The following STAB2 variants were observed in gnomAD, a reference collection of about 807,000 sequenced individuals.
STAB2 encodes stabilin 2, also known as stabilin-2.
In STAB2, 288 loss-of-function variants were observed where a neutral mutation model predicts 338.1. The observed-to-expected ratio is 0.85, with a 90% CI of 0.77 to 0.94. The LOEUF (loss-of-function observed/expected upper bound fraction) is 0.94, where lower values mean the gene tolerates loss of function less well. Ranked by LOEUF, STAB2 falls within the 40% of genes least tolerant of loss-of-function variation. STAB2 has a pLI of 0.00. For missense variants in STAB2, 3,141 were observed against 3,210.1 expected (o/e 0.98, Z 0.52); for synonymous variants, 1,202 against 1,193.3 (o/e 1.01, Z -0.15).
rs975561572 is a variant in STAB2 at position 103,733,323 on chromosome 12, A to C, written c.5460+141A>C. On this transcript the variant is annotated intron_variant, in intron 51 of 68. Coordinates refer to ENST00000388887, the MANE Select transcript of STAB2 (RefSeq NM_017564.10). ...AGGAAGCCACAGCATCCCCTGCCCC[A>C]CTGTGTCCTCCTCTGACTGGCCGTG... The C allele has an allele frequency of 1.7e-5, 17 of 987,664 alleles. No individual in the cohort carries two copies. In the African/African-American group the frequency reaches 1.9e-4, roughly 11 times the overall value. 61.2% of individuals were successfully genotyped at this position (987,664 alleles called of 1,614,324 possible). A position where few individuals can be genotyped will look rare whatever the true frequency, so the allele number is the denominator to read the frequency against.
rs769504020 is a variant in STAB2, at chr12:103,750,538, G to C, written c.6439-41G>C. Reference sequence around the variant, plus strand: ...GGCACTTGGGCATCCTGGGGTCCTAGAGAAGGAACTTTTTCATCTCTTCCC... The same window carrying C: ...GGCACTTGGGCATCCTGGGGTCCTACAGAAGGAACTTTTTCATCTCTTCCC... On this transcript the variant is annotated intron_variant, in intron 59 of 68. Coordinates refer to ENST00000388887, the MANE Select transcript of STAB2 (RefSeq NM_017564.10). 9 of 1,608,588 alleles carry C rather than the reference G, an allele frequency of 5.6e-6. No individual in the cohort carries two copies. In the African/African-American group the frequency reaches 1.1e-4, roughly 19 times the overall value.
chr12:103,639,015 A>G (rs1957597566), intron 8 of STAB2, among the ~76,000 whole-genome samples: 1 of 152,230 alleles, frequency 6.6e-6, no homozygotes, highest in African/African-American at 2.4e-5. Flanking sequence ...TTGCCTCCAA[A>G]GAGAAAGGAT....
At chr12:103,669,697 G>A (rs1875552233) in intron 21 of STAB2, 70 bp downstream of exon 21, 10 of 1,365,956 alleles carry the variant, frequency 7.3e-6, no homozygotes, top group Non-Finnish European at 9.4e-6. Context: ...AAACCAAAAT[G>A]TGATATAATG....
intron 33 of STAB2, among the ~76,000 whole-genome samples, chr12:103,698,803 A>G (rs1050282865): frequency 6.6e-6 from 1 of 152,184 alleles, no homozygotes. Flanking sequence ...AGTTCTGCCC[A>G]AAGAATTATC....
intron 34 of STAB2, among the ~76,000 whole-genome samples, chr12:103,701,818 AG>A (rs34414513): frequency 0.19 from 28,795 of 152,056 alleles, 2,918 homozygotes; most frequent in East Asian, 0.33. Flanking sequence ...GTAAATCATA[AG>A]GGACTTTAAC....
rs370360081 is a variant in STAB2 at position 103,761,461 on chromosome 12, C to G, written c.7359+51C>G. 72 of 1,518,158 alleles carry G rather than the reference C, an allele frequency of 4.7e-5. No individual in the cohort carries two copies. In the African/African-American group the frequency reaches 9.5e-4, roughly 20 times the overall value. 94.0% of individuals were successfully genotyped at this position (1,518,158 alleles called of 1,614,324 possible). A position where few individuals can be genotyped will look rare whatever the true frequency, so the allele number is the denominator to read the frequency against. The stretch of plus-strand genomic sequence containing the variant: ...GGGCCAGGAGGAGCCCCGGTGCCCA[C>G]TCACCAACAGGCAAACCATTACCAG... On this transcript the variant is annotated intron_variant, in intron 66 of 68. Transcript: ENST00000388887.
At chr12:103,688,312 T>G (rs1593237324) in intron 28 of STAB2, 97 bp downstream of exon 28, 1 of 1,147,020 alleles carries the variant, frequency 8.7e-7, no homozygotes, top group Non-Finnish European at 1.3e-6. Flanking sequence ...TGGTAAGGAG[T>G]GTAGGCAATT....
At position 103,742,463 on chromosome 12, in the gene STAB2, C is replaced by T. The variant is rs374364800; in HGVS notation, c.5940C>T (p.Tyr1980=). 6 of 1,614,028 alleles carry T rather than the reference C, an allele frequency of 3.7e-6. No individual in the cohort carries two copies. In the African/African-American group the frequency reaches 4.0e-5, roughly 11 times the overall value. ...CNNRGVCLDQ[Y]SATGECKCNT... Reference sequence around the variant, plus strand: ...ACCGGGGTGTCTGCCTTGATCAGTACTCGGCCACCGGAGAGTGTAAATGCA... The same window carrying T: ...ACCGGGGTGTCTGCCTTGATCAGTATTCGGCCACCGGAGAGTGTAAATGCA... Residue 1980 remains tyrosine (Y), a synonymous_variant, in exon 56 of 69, where the codon TAC becomes TAT. Coordinates refer to ENST00000388887, the MANE Select transcript of STAB2 (RefSeq NM_017564.10).
At chr12:103,666,381 A>G in intron 19 of STAB2, 28 bp downstream of exon 19, 2 of 1,613,094 alleles carry the variant, frequency 1.2e-6, no homozygotes, top group Non-Finnish European at 1.7e-6. Context: ...ATGAAAGCAC[A>G]GATCACCCAA....
intron 56 of STAB2, among the ~76,000 whole-genome samples, chr12:103,742,833 C>T (rs1481031246): frequency 6.6e-6 from 1 of 152,198 alleles, no homozygotes; most frequent in East Asian, 1.9e-4. Flanking sequence ...TGTGGATTTA[C>T]TAAGTCCTTA....
At chr12:103,686,541 G>C (rs1207804302) in intron 27 of STAB2, among the ~76,000 whole-genome samples, 1 of 152,090 alleles carries the variant, frequency 6.6e-6, no homozygotes, top group Non-Finnish European at 1.5e-5. Context: ...ATCTCACTCT[G>C]TTGCCCAGGC....
At chr12:103,670,865 C>T in intron 22 of STAB2, 58 bp downstream of exon 22, 1 of 1,433,576 alleles carries the variant, frequency 7.0e-7, no homozygotes, top group African/African-American at 1.4e-5. Context: ...TCTCGTGCTG[C>T]AGCAGGGTGC....
In STAB2 at chr12:103,728,866, A is replaced by G. The variant is rs1566053346; in HGVS notation, c.4953A>G (p.Lys1651=). 2 of 1,613,980 alleles carry G rather than the reference A, an allele frequency of 1.2e-6. No individual in the cohort carries two copies. The highest frequency in any genetic ancestry group is 1.7e-6 in the Non-Finnish European group (2 of 1,179,870). The change falls in exon 48 of 69, where the codon AAA becomes AAG. Residue 1651 remains lysine (K), a synonymous_variant. Coordinates refer to ENST00000388887, the MANE Select transcript of STAB2 (RefSeq NM_017564.10). ...DEEARVKDWD[K]YGLMPQVLRY... is the part of the protein sequence containing the mutation. ...TGTTACAGGTTAAAGACTGGGACAA[A>G]TACGGTTTAATGCCCCAGGTTCTTC...
At chr12:103,661,707 A>C (rs571153148) in intron 17 of STAB2, among the ~76,000 whole-genome samples, 1 of 152,340 alleles carries the variant, frequency 6.6e-6, no homozygotes, top group Non-Finnish European at 1.5e-5. Flanking sequence ...CTGAACCTGA[A>C]GGAATTAGGG....
At chr12:103,715,093 T>C (rs1880197512) in intron 42 of STAB2, among the ~76,000 whole-genome samples, 2 of 152,336 alleles carry the variant, frequency 1.3e-5, no homozygotes, top group South Asian at 4.1e-4. Flanking sequence ...AATAATATCC[T>C]CCACCTCGCC....
chr12:103,742,295 G>T, intron 55 of STAB2, 110 bp from the exon 56 acceptor site: 1 of 1,431,674 alleles, frequency 7.0e-7, no homozygotes. Context: ...CACTGAAGGC[G>T]ATGGTCCCTC....
intron 31 of STAB2, among the ~76,000 whole-genome samples, chr12:103,694,380 C>G (rs750060646): frequency 5.3e-5 from 8 of 152,162 alleles, no homozygotes; most frequent in Non-Finnish European, 7.3e-5. Context: ...CCCCTCCTCC[C>G]CCTTCAGCTC....
intron 33 of STAB2, among the ~76,000 whole-genome samples, chr12:103,697,328 T>C (rs891014842): frequency 1.3e-5 from 2 of 152,226 alleles, no homozygotes; most frequent in Non-Finnish European, 2.9e-5. Flanking sequence ...GTTGCACTCC[T>C]GGGATGGAAC....
intron 12 of STAB2, among the ~76,000 whole-genome samples, chr12:103,654,042 T>C (rs1055050007): frequency 8.5e-5 from 13 of 152,320 alleles, no homozygotes; most frequent in African/African-American, 3.1e-4. Flanking sequence ...GATGGATGAA[T>C]GACAGATAGG....
Sources: allele counts gnomAD v4.1 joint callset (sites outside exome capture counted in the v4.1 genomes callset), GRCh38; gene constraint gnomAD v4.1.1; transcripts MANE v1.5; gene names NCBI Gene and HGNC (gene_info 2026-07-23, HGNC 2026-07-21).